The following ACTN2 variants were observed in gnomAD, a reference collection of about 807,000 sequenced individuals.
ACTN2 encodes the protein alpha-actinin-2.
ACTN2 carries 39 observed loss-of-function variants against 113.8 expected under a neutral mutation model. The ratio of observed to expected loss-of-function variants is 0.34; its 90% CI spans 0.27 to 0.45. The LOEUF is 0.45. ACTN2 is among the 20% of genes least tolerant of loss of function. The pLI is 1.00. For synonymous variants in ACTN2, 429 were observed against 444.1 expected (o/e 0.97, Z 0.43); for missense variants, 992 against 1,177.9 (o/e 0.84, Z 2.31).
At chr1:236,745,205 C>A (rs1450278723) in intron 12 of ACTN2, among the ~76,000 whole-genome samples, 1 of 151,948 alleles carries the variant, frequency 6.6e-6, no homozygotes, top group Non-Finnish European at 1.5e-5. Context: ...GAGGCTGAGG[C>A]GGGCGAATCA....
At chr1:236,715,888 G>A (rs551892298) in intron 1 of ACTN2, among the ~76,000 whole-genome samples, 4 of 152,190 alleles carry the variant, frequency 2.6e-5, no homozygotes, top group East Asian at 1.9e-4. Context: ...CTCGGGAGGC[G>A]GAGATTGCGG....
intron 1 of ACTN2, among the ~76,000 whole-genome samples, chr1:236,711,259 C>T (rs937784485): frequency 6.6e-6 from 1 of 152,212 alleles, no homozygotes; most frequent in Non-Finnish European, 1.5e-5. Context: ...TGTCTTCCAC[C>T]GCATTTCCAT....
In ACTN2 at chr1:236,751,596, T is replaced by C. The variant is rs921543442; in HGVS notation, c.1783T>C (p.Ser595Pro). The C allele has an allele frequency of 1.2e-6, 2 of 1,614,030 alleles. No homozygotes were observed. The highest frequency in any genetic ancestry group is 1.1e-5 in the South Asian group (1 of 91,076). ...TCAGAGCTACAACATCAGAATCAGC[T>C]CAAGCAACCCGTACAGCACTGTCAC... ...VIQSYNIRIS[S>P]SNPYSTVTMD... is the part of the protein sequence containing the mutation. The change falls in exon 15 of 21, where the codon TCA becomes CCA. Residue 595 changes from serine to proline, a missense_variant. By Grantham distance (74) the Ser-to-Pro change is moderately conservative. This residue lies in a region of ACTN2 where 736 missense variants were observed against 815.4 expected (regional missense o/e 0.90). Transcript: ENST00000366578.
In ACTN2 at chr1:236,686,714, A is replaced by G. The variant is rs1665882020; in HGVS notation, c.41A>G (p.Tyr14Cys). 3.8e-6 allele frequency: 6 copies of G among 1,567,002 alleles called. No individual in the cohort carries two copies. Among genetic ancestry groups the G allele is most frequent in the Non-Finnish European group, 5.2e-6 (6 of 1,156,466 alleles). The part of the protein sequence containing the change: ...IEPGVQYNYV[Y>C]DEDEYMIQEE... The stretch of plus-strand genomic sequence containing the variant: ...CCCGGCGTGCAGTACAACTACGTGT[A>G]CGACGAGGATGAGTACATGATCCAG... Residue 14 changes from tyrosine (Y) to cysteine (C), a missense_variant, in exon 1 of 21, where the codon TAC becomes TGC. Coordinates refer to ENST00000366578, the MANE Select transcript of ACTN2 (RefSeq NM_001103.4).
intron 15 of ACTN2, among the ~76,000 whole-genome samples, chr1:236,753,240 T>A (rs1396698438): frequency 6.6e-6 from 1 of 152,192 alleles, no homozygotes; most frequent in Admixed American, 6.5e-5. Flanking sequence ...ATAAAAATAT[T>A]TAATATTACC....
At chr1:236,688,220 A>G (rs1665943848) in intron 1 of ACTN2, among the ~76,000 whole-genome samples, 1 of 152,032 alleles carries the variant, frequency 6.6e-6, no homozygotes, top group African/African-American at 2.4e-5. Flanking sequence ...AATTTTGATT[A>G]CTGCACTTTT....
chr1:236,734,839 C>A (rs1019506581), intron 7 of ACTN2, among the ~76,000 whole-genome samples: 1 of 152,178 alleles, frequency 6.6e-6, no homozygotes, highest in Non-Finnish European at 1.5e-5. Context: ...TTCACTCTGA[C>A]CCATTGACTG....
chr1:236,723,750 C>T (rs1658467682), intron 4 of ACTN2, among the ~76,000 whole-genome samples: 1 of 152,082 alleles, frequency 6.6e-6, no homozygotes, highest in South Asian at 2.1e-4. Flanking sequence ...AGCCACTGTG[C>T]CTGGCCTAAA....
chr1:236,751,578 TACA>T lies in ACTN2; in HGVS notation c.1769_1771del (p.Asn590del), dbSNP rs755772880. 6.2e-7 allele frequency: 1 copy of T among 1,614,052 alleles called. No homozygotes were observed. The highest frequency in any genetic ancestry group is 2.2e-5 in the East Asian group (1 of 44,878). Reference sequence around the variant, plus strand: ...CGAGGTGGAGAAGGTGATTCAGAGCTACAACATCAGAATCAGCTCAAGCAACCC... The same window carrying T: ...CGAGGTGGAGAAGGTGATTCAGAGCTACATCAGAATCAGCTCAAGCAACCC... On this transcript the variant is annotated inframe_deletion, in exon 15 of 21. Coordinates refer to ENST00000366578, the MANE Select transcript of ACTN2 (RefSeq NM_001103.4).
intron 15 of ACTN2, 93 bp from the exon 16 acceptor site, chr1:236,753,854 C>T: frequency 3.2e-6 from 4 of 1,261,502 alleles, no homozygotes; most frequent in South Asian, 2.4e-5. Context: ...TCTCCACTCC[C>T]ACCCCCACCC....
intron 1 of ACTN2, among the ~76,000 whole-genome samples, chr1:236,705,255 G>T (rs1027916849): frequency 1.3e-5 from 2 of 152,056 alleles, no homozygotes; most frequent in African/African-American, 4.8e-5. Context: ...ATTTATATCA[G>T]AAAATGAATA....
At chr1:236,697,585 C>G (rs1484086858) in intron 1 of ACTN2, among the ~76,000 whole-genome samples, 6 of 152,126 alleles carry the variant, frequency 3.9e-5, no homozygotes, top group Admixed American at 3.9e-4. Context: ...AACTTGGAAC[C>G]ATCTGAACTG....
chr1:236,742,505 G>T (rs932201929), intron 10 of ACTN2, among the ~76,000 whole-genome samples: 3 of 151,964 alleles, frequency 2.0e-5, no homozygotes, highest in Non-Finnish European at 4.4e-5. Context: ...AAGAGTTAGA[G>T]AACAGCAACA....
At chr1:236,716,122 T>C (rs1274494554) in intron 1 of ACTN2, among the ~76,000 whole-genome samples, 1 of 150,692 alleles carries the variant, frequency 6.6e-6, no homozygotes, top group Non-Finnish European at 1.5e-5. Flanking sequence ...TTTTTGGTCC[T>C]TGAATTAAAT....
intron 19 of ACTN2, 52 bp from the exon 20 acceptor site, chr1:236,760,963 G>A: frequency 1.2e-6 from 2 of 1,613,002 alleles, no homozygotes; most frequent in Middle Eastern, 1.7e-4. Flanking sequence ...AAACGGCTCT[G>A]TTGAGAGTTG....
At chr1:236,715,896 C>T (rs570169877) in intron 1 of ACTN2, among the ~76,000 whole-genome samples, 16 of 152,222 alleles carry the variant, frequency 1.1e-4, no homozygotes, top group South Asian at 1.0e-3. Context: ...GCGGAGATTG[C>T]GGTGAGCTGA....
intron 2 of ACTN2, among the ~76,000 whole-genome samples, chr1:236,718,417 A>G (rs762186016): frequency 1.3e-5 from 2 of 152,236 alleles, no homozygotes; most frequent in African/African-American, 2.4e-5. Flanking sequence ...ACTTTGGACT[A>G]GAGAATGGAT....
At chr1:236,761,245 G>C in intron 20 of ACTN2, 72 bp downstream of exon 20, 1 of 1,585,368 alleles carries the variant, frequency 6.3e-7, no homozygotes. Flanking sequence ...AGGCAACAGT[G>C]TTGTAAATAA....
intron 7 of ACTN2, among the ~76,000 whole-genome samples, chr1:236,735,389 G>T (rs560560877): frequency 2.0e-5 from 3 of 152,068 alleles, no homozygotes; most frequent in African/African-American, 7.2e-5. Context: ...ATCAAGGGGT[G>T]GGGGAGAAAA....
Sources: gnomAD v4.1 joint callset for allele counts (sites outside exome capture counted in the v4.1 genomes callset) on GRCh38, gnomAD v4.1.1 for gene constraint, gnomAD v4.1.1 regional missense constraint, MANE v1.5 for transcripts, NCBI Gene and HGNC (gene_info 2026-07-23, HGNC 2026-07-21) for gene names.